The following TEX11 variants were observed in gnomAD, a reference collection of about 807,000 sequenced individuals.
TEX11 encodes the protein testis-expressed protein 11.
Under a neutral mutation model 84.4 loss-of-function variants are expected in TEX11, and 7 were observed. That is an observed-to-expected ratio of 0.08 (90% CI 0.05 to 0.16). The LOEUF (loss-of-function observed/expected upper bound fraction) is 0.16. TEX11 is among the 10% of genes least tolerant of loss of function. The pLI is 1.00. For missense variants in TEX11, 551 were observed against 660.5 expected (o/e 0.83, Z 1.82); for synonymous variants, 264 against 222.8 (o/e 1.18, Z -1.64).
intron 13 of TEX11, among the ~76,000 whole-genome samples, chrX:70,692,159 AT>A (rs1330012950): frequency 2.7e-5 from 3 of 112,012 alleles, no homozygotes; most frequent in Non-Finnish European, 5.6e-5. Context: ...AATGTATACA[AT>A]TTGATGAGTT....
intron 25 of TEX11, among the ~76,000 whole-genome samples, chrX:70,574,027 G>T (rs1276193711): frequency 9.0e-6 from 1 of 111,684 alleles, no homozygotes; most frequent in African/African-American, 3.2e-5. Context: ...GGAGATAAGC[G>T]AAATTCTTCC....
At chrX:70,787,624 C>A (rs1021563376) in intron 9 of TEX11, among the ~76,000 whole-genome samples, 1 of 108,261 alleles carries the variant, frequency 9.2e-6, no homozygotes, top group East Asian at 2.9e-4. Context: ...CCACTGCACC[C>A]GGCCCCCTCT....
chrX:70,768,823 C>T (rs751648677), intron 9 of TEX11, among the ~76,000 whole-genome samples: 1 of 111,842 alleles, frequency 8.9e-6, no homozygotes, highest in Non-Finnish European at 1.9e-5. Context: ...GCACATAGAA[C>T]ATTCTTCAGA....
chrX:70,872,290 TAA>T (rs1268613720), intron 4 of TEX11, among the ~76,000 whole-genome samples: 1 of 112,536 alleles, frequency 8.9e-6, no homozygotes, highest in Non-Finnish European at 1.9e-5. Context: ...AACTGTTCTC[TAA>T]ACATGCTAAT....
At chrX:70,678,515 CTCTT>C (rs1375327045) in intron 15 of TEX11, among the ~76,000 whole-genome samples, 1 of 109,308 alleles carries the variant, frequency 9.1e-6, no homozygotes, top group Non-Finnish European at 1.9e-5. Flanking sequence ...GGGAATAAAA[CTCTT>C]TCTCAGCCCT....
At chrX:70,764,321 C>T (rs2090926851) in intron 9 of TEX11, among the ~76,000 whole-genome samples, 1 of 111,159 alleles carries the variant, frequency 9.0e-6, no homozygotes, top group African/African-American at 3.3e-5. Flanking sequence ...TGGAATACAG[C>T]AAAAGAAATG....
intron 5 of TEX11, among the ~76,000 whole-genome samples, chrX:70,856,857 T>A (rs1383281883): frequency 1.7e-4 from 19 of 108,875 alleles, no homozygotes; most frequent in Non-Finnish European, 3.4e-4. Flanking sequence ...ATTTTTTTTT[T>A]AAAAAAAAGA....
At chrX:70,540,086 G>A (rs895140197) in intron 28 of TEX11, among the ~76,000 whole-genome samples, 1 of 111,285 alleles carries the variant, frequency 9.0e-6, no homozygotes, top group African/African-American at 3.3e-5. Flanking sequence ...TAAAACAGAA[G>A]GTTTAAATGA....
At chrX:70,711,793 A>G (rs1402638521) in intron 13 of TEX11, among the ~76,000 whole-genome samples, 1 of 111,119 alleles carries the variant, frequency 9.0e-6, no homozygotes, top group Non-Finnish European at 1.9e-5. Context: ...CTTTAGTTTA[A>G]TTAGATCCCA....
intron 9 of TEX11, among the ~76,000 whole-genome samples, chrX:70,801,654 T>G: frequency 1.1e-5 from 1 of 92,365 alleles, no homozygotes; most frequent in Non-Finnish European, 2.1e-5. Flanking sequence ...TCTTTCTTTC[T>G]TTCTTTCTTT....
Position 70,858,993 on chromosome X carries a change from G to A in TEX11, c.324+1864C>T, listed in dbSNP as rs767503926. On this transcript the variant is annotated intron_variant, in intron 5 of 29. Coordinates refer to ENST00000374333, the MANE Select transcript of TEX11 (RefSeq NM_031276.3). ...GCAGGGGTTACAGTGAGCTGAGATC[G>A]TGCCACTGCACTCCAGCCTGAGTGA... 3.7e-3 allele frequency among the ~76,000 whole-genome samples: 408 copies of A among 109,749 alleles called. 1 individual carries two copies. The highest frequency in any genetic ancestry group is 6.1e-3 in the Non-Finnish European group (321 of 52,545).
chrX:70,673,394 A>G (rs1011855782), intron 15 of TEX11: 1 of 111,587 alleles, frequency 9.0e-6, no homozygotes, highest in Admixed American at 9.5e-5. Flanking sequence ...AAGCACTGGG[A>G]TTACAGGCAG....
chrX:70,685,127 G>A (rs1353729954), intron 13 of TEX11, among the ~76,000 whole-genome samples: 1 of 112,181 alleles, frequency 8.9e-6, no homozygotes, highest in Non-Finnish European at 1.9e-5. Flanking sequence ...ACTTCAGAAG[G>A]CCGAGGTTGG....
rs1411862166 is a variant in TEX11 at position 70,585,151 on chromosome X, C to T, written c.2140+6600G>A. Among the ~76,000 whole-genome samples, 4 of 112,013 alleles carry T rather than the reference C, an allele frequency of 3.6e-5. No individual in the cohort carries two copies. In the Admixed American group the frequency reaches 3.8e-4, roughly 11 times the overall value. On this transcript the variant is annotated intron_variant, in intron 25 of 29. Transcript: ENST00000374333. ...TACGTATAGAAAATCCCAAAGAAAC[C>T]ACAAGAAAGCTACAAATTCGGCAAA...
At chrX:70,734,749 A>G (rs2090682715) in intron 11 of TEX11, among the ~76,000 whole-genome samples, 1 of 111,742 alleles carries the variant, frequency 8.9e-6, no homozygotes, top group African/African-American at 3.3e-5. Context: ...GTCCAGTATG[A>G]TCAAATTTTA....
chrX:70,709,547 T>A (rs751823870), intron 13 of TEX11, among the ~76,000 whole-genome samples: 24 of 111,644 alleles, frequency 2.1e-4, no homozygotes, highest in Non-Finnish European at 4.0e-4. Flanking sequence ...AATTTTATCA[T>A]ATCTTAGAGC....
At chrX:70,836,312 A>G (rs2091405213) in intron 7 of TEX11, among the ~76,000 whole-genome samples, 2 of 111,278 alleles carry the variant, frequency 1.8e-5, no homozygotes, top group South Asian at 7.5e-4. Flanking sequence ...TGATCCATAA[A>G]AGAAAAAGAA....
intron 28 of TEX11, among the ~76,000 whole-genome samples, chrX:70,538,602 C>G (rs2087992487): frequency 9.1e-6 from 1 of 110,166 alleles, no homozygotes; most frequent in African/African-American, 3.3e-5. Flanking sequence ...CCAGCCTGGG[C>G]AACATAGTAA....
intron 8 of TEX11, among the ~76,000 whole-genome samples, chrX:70,811,368 T>C (rs1036066970): frequency 2.5e-4 from 28 of 111,853 alleles, no homozygotes; most frequent in African/African-American, 9.1e-4. Context: ...TCCTTTTCTA[T>C]GGCTGCATAG....
Sources: gnomAD v4.1 joint callset for allele counts (sites outside exome capture counted in the v4.1 genomes callset) on GRCh38, gnomAD v4.1.1 for gene constraint, MANE v1.5 for transcripts, NCBI Gene and HGNC (gene_info 2026-07-23, HGNC 2026-07-21) for gene names.